The following CDH13 variants were observed in gnomAD, a reference collection of about 807,000 sequenced individuals.
The protein encoded by CDH13 is cadherin 13.
In CDH13, 24 loss-of-function variants were observed where a neutral mutation model predicts 63.8. The observed-to-expected ratio is 0.38, with a 90% CI of 0.27 to 0.53. The LOEUF is 0.53. Among genes scored for constraint, CDH13 ranks in the 20% least tolerant of loss-of-function variants. CDH13 has a pLI of 0.85. For synonymous variants in CDH13, 503 were observed against 355.3 expected (o/e 1.42, Z -4.67); for missense variants, 1,049 against 903.1 (o/e 1.16, Z -2.07).
intron 5 of CDH13, among the ~76,000 whole-genome samples, chr16:83,278,079 G>C (rs1010455628): frequency 5.9e-5 from 9 of 152,198 alleles, no homozygotes; most frequent in Admixed American, 2.0e-4. Flanking sequence ...CAGTATTGCA[G>C]CATGAGCAGG....
intron 6 of CDH13, among the ~76,000 whole-genome samples, chr16:83,473,643 T>C (rs1598101865): frequency 6.6e-6 from 1 of 152,166 alleles, no homozygotes; most frequent in Non-Finnish European, 1.5e-5. Flanking sequence ...CAAGCTGTAA[T>C]GCAGGGCAAG....
chr16:83,164,884 A>ATTC (rs10658472), intron 4 of CDH13, among the ~76,000 whole-genome samples: 32,811 of 151,492 alleles, frequency 0.22, 4,901 homozygotes, highest in African/African-American at 0.42. Context: ...AGTGGACATT[A>ATTC]TTATCTTACA....
chr16:83,620,998 T>C (rs968424109), intron 8 of CDH13, among the ~76,000 whole-genome samples: 2 of 152,162 alleles, frequency 1.3e-5, no homozygotes, highest in African/African-American at 2.4e-5. Flanking sequence ...ACCTGCTTTG[T>C]ACGCAGCAGG....
At chr16:82,966,631 T>A in intron 2 of CDH13, among the ~76,000 whole-genome samples, 1 of 152,238 alleles carries the variant, frequency 6.6e-6, no homozygotes, top group East Asian at 1.9e-4. Flanking sequence ...CCTTTTATTT[T>A]GAAATGAATT....
At chr16:83,551,090 A>ATCTG (rs2075484686) in intron 7 of CDH13, among the ~76,000 whole-genome samples, 1 of 150,668 alleles carries the variant, frequency 6.6e-6, no homozygotes. Context: ...CTATCTATCT[A>ATCTG]TCTATCTTTG....
chr16:83,226,262 G>A (rs747829472), intron 5 of CDH13, among the ~76,000 whole-genome samples: 2 of 152,164 alleles, frequency 1.3e-5, no homozygotes, highest in African/African-American at 4.8e-5. Flanking sequence ...GAGGTTAAAC[G>A]ACCTTGTGGA....
chr16:83,154,068 T>C (rs780061494), intron 4 of CDH13, among the ~76,000 whole-genome samples: 4 of 152,186 alleles, frequency 2.6e-5, no homozygotes, highest in African/African-American at 9.6e-5. Context: ...AGCTTGACCA[T>C]GTGACTTGCT....
intron 2 of CDH13, among the ~76,000 whole-genome samples, chr16:83,000,648 G>A (rs1225542296): frequency 6.8e-6 from 1 of 146,110 alleles, no homozygotes; most frequent in Admixed American, 6.9e-5. Flanking sequence ...AGAGTGCAGT[G>A]GCGCAACTGC....
intron 2 of CDH13, among the ~76,000 whole-genome samples, chr16:82,984,155 A>C (rs1193547331): frequency 6.6e-6 from 1 of 152,216 alleles, no homozygotes; most frequent in Admixed American, 6.5e-5. Flanking sequence ...ATTTCAAGGG[A>C]AGGGCTTGAA....
intron 6 of CDH13, among the ~76,000 whole-genome samples, chr16:83,361,259 G>C (rs1400749621): frequency 6.6e-6 from 1 of 152,072 alleles, no homozygotes; most frequent in African/African-American, 2.4e-5. Flanking sequence ...TCATGCCTTT[G>C]CCCACATTTT....
chr16:83,061,336 G>A (rs1378503562), intron 3 of CDH13, among the ~76,000 whole-genome samples: 1 of 151,862 alleles, frequency 6.6e-6, no homozygotes, highest in African/African-American at 2.4e-5. Context: ...GCTTTGTCCG[G>A]ATGAGTGGAT....
chr16:83,117,363 C>A (rs2035353984), intron 3 of CDH13, among the ~76,000 whole-genome samples: 1 of 151,678 alleles, frequency 6.6e-6, no homozygotes, highest in South Asian at 2.1e-4. Flanking sequence ...GTGCCTCCTC[C>A]TCCTGCCCCC....
At chr16:82,757,877 T>A (rs781262488) in intron 1 of CDH13, among the ~76,000 whole-genome samples, 1 of 152,104 alleles carries the variant, frequency 6.6e-6, no homozygotes, top group Non-Finnish European at 1.5e-5. Context: ...TCTCGATTTC[T>A]TGACCTCGTG....
chr16:83,111,284 C>T (rs2035045044), intron 3 of CDH13, among the ~76,000 whole-genome samples: 1 of 152,082 alleles, frequency 6.6e-6, no homozygotes, highest in South Asian at 2.1e-4. Flanking sequence ...GATATAATAT[C>T]ATTGGATAGT....
At chr16:82,659,539 A>T (rs1911688792) in intron 1 of CDH13, among the ~76,000 whole-genome samples, 1 of 152,150 alleles carries the variant, frequency 6.6e-6, no homozygotes, top group Admixed American at 6.5e-5. Context: ...AAGAATATAT[A>T]CTCAAACATG....
chr16:82,728,693 G>T (rs1291803451), intron 1 of CDH13, among the ~76,000 whole-genome samples: 1 of 152,120 alleles, frequency 6.6e-6, no homozygotes, highest in African/African-American at 2.4e-5. Context: ...AGGCTAAGGT[G>T]AATTGGCAGT....
chr16:83,534,192 T>C (rs1029619718), intron 7 of CDH13, among the ~76,000 whole-genome samples: 4 of 152,212 alleles, frequency 2.6e-5, no homozygotes, highest in African/African-American at 9.7e-5. Flanking sequence ...CTATTCTGGA[T>C]GCTCCATACA....
chr16:82,837,861 G>C (rs950017967), intron 1 of CDH13, among the ~76,000 whole-genome samples: 4 of 152,210 alleles, frequency 2.6e-5, no homozygotes, highest in Admixed American at 2.0e-4. Flanking sequence ...ACTCTTACCA[G>C]TTATGGGCAT....
intron 2 of CDH13, 47 bp from the exon 3 acceptor site, chr16:83,031,963 C>A: frequency 7.0e-7 from 1 of 1,438,448 alleles, no homozygotes; most frequent in Non-Finnish European, 9.6e-7. Context: ...CAGAGATAAG[C>A]TGCCCAACCT....
Sources: gnomAD v4.1 joint callset for allele counts (sites outside exome capture counted in the v4.1 genomes callset) on GRCh38, gnomAD v4.1.1 for gene constraint, MANE v1.5 for transcripts, NCBI Gene and HGNC (gene_info 2026-07-23, HGNC 2026-07-21) for gene names.